Variants in LIMCH1 observed in about 807,000 individuals in gnomAD.
LIMCH1 encodes LIM and calponin homology domains 1.
A neutral mutation model predicts 176.5 loss-of-function variants in LIMCH1; 113 were observed. The ratio of observed to expected loss-of-function variants is 0.64; its 90% CI spans 0.55 to 0.75. LIMCH1 has a LOEUF of 0.75. Among genes scored for constraint, LIMCH1 ranks in the 30% least tolerant of loss-of-function variants. The probability of loss-of-function intolerance (pLI) is 0.00; values close to 1 mark genes in which losing one functional copy is unlikely to be tolerated. For synonymous variants in LIMCH1, 619 were observed against 645.9 expected (o/e 0.96, Z 0.63); for missense variants, 1,674 against 1,814.9 (o/e 0.92, Z 1.41).
intron 2 of LIMCH1, among the ~76,000 whole-genome samples, chr4:41,517,984 A>G (rs2075752999): frequency 6.6e-6 from 1 of 152,158 alleles, no homozygotes; most frequent in Non-Finnish European, 1.5e-5. Context: ...TAATGAGATG[A>G]TGATGTAATC....
intron 1 of LIMCH1, among the ~76,000 whole-genome samples, chr4:41,389,807 C>T (rs968735424): frequency 6.6e-6 from 1 of 152,140 alleles, no homozygotes; most frequent in Non-Finnish European, 1.5e-5. Flanking sequence ...GGTTGGAAAC[C>T]ACTGCTTTTT....
chr4:41,518,895 C>T (rs1001479683), intron 2 of LIMCH1, among the ~76,000 whole-genome samples: 1 of 137,258 alleles, frequency 7.3e-6, no homozygotes, highest in Non-Finnish European at 1.5e-5. Flanking sequence ...CATCCATGTC[C>T]CTGCAAAGGA....
At chr4:41,661,860 G>A in intron 19 of LIMCH1, 3 of 378,926 alleles carry the variant, frequency 7.9e-6, no homozygotes, top group South Asian at 2.2e-5. Context: ...TAAGCGAGAG[G>A]TCAAAAACAT....
chr4:41,543,388 G>A (rs1291808218), intron 1 of LIMCH1, among the ~76,000 whole-genome samples: 1 of 152,172 alleles, frequency 6.6e-6, no homozygotes, highest in East Asian at 1.9e-4. Flanking sequence ...TGTGGAGATA[G>A]TGTTTTTTCC....
chr4:41,625,403 C>A (rs2092880798), intron 7 of LIMCH1, among the ~76,000 whole-genome samples: 1 of 152,198 alleles, frequency 6.6e-6, no homozygotes, highest in South Asian at 2.1e-4. Context: ...CCTGTGAATA[C>A]AATCCTACAT....
chr4:41,597,176 TG>T (rs2089020984), intron 1 of LIMCH1, among the ~76,000 whole-genome samples: 1 of 152,194 alleles, frequency 6.6e-6, no homozygotes, highest in Non-Finnish European at 1.5e-5. Context: ...CCTTTGGTGC[TG>T]GCCTCAGATT....
intron 24 of LIMCH1, among the ~76,000 whole-genome samples, chr4:41,680,476 G>A (rs929250085): frequency 7.2e-5 from 11 of 152,110 alleles, no homozygotes; most frequent in African/African-American, 2.7e-4. Context: ...TGATATTGAG[G>A]CTGAATGACT....
At chr4:41,364,609 GTGAT>G (rs2052686588) in intron 1 of LIMCH1, among the ~76,000 whole-genome samples, 1 of 152,114 alleles carries the variant, frequency 6.6e-6, no homozygotes, top group African/African-American at 2.4e-5. Flanking sequence ...TACTCATAAA[GTGAT>G]CTTGGTAGTC....
chr4:41,635,452 T>C (rs1199059894), intron 13 of LIMCH1, among the ~76,000 whole-genome samples: 2 of 152,156 alleles, frequency 1.3e-5, no homozygotes, highest in Non-Finnish European at 2.9e-5. Flanking sequence ...GGTCTGGAAC[T>C]CCTGACCTCA....
chr4:41,546,813 A>G (rs902709534), intron 1 of LIMCH1, among the ~76,000 whole-genome samples: 1 of 152,072 alleles, frequency 6.6e-6, no homozygotes, highest in Non-Finnish European at 1.5e-5. Context: ...AGAAATGCCA[A>G]GGATTCCACA....
chr4:41,668,799 C>G (rs2094918989), intron 21 of LIMCH1, among the ~76,000 whole-genome samples: 1 of 152,146 alleles, frequency 6.6e-6, no homozygotes, highest in South Asian at 2.1e-4. Context: ...CTGAAGAGGC[C>G]TCACAGTCAT....
intron 1 of LIMCH1, among the ~76,000 whole-genome samples, chr4:41,440,543 C>T (rs1182359246): frequency 7.2e-5 from 11 of 151,916 alleles, no homozygotes. Flanking sequence ...TTATTTATTT[C>T]TTTGTTTGAG....
intron 1 of LIMCH1, among the ~76,000 whole-genome samples, chr4:41,567,895 C>T (rs2082983443): frequency 6.6e-6 from 1 of 152,182 alleles, no homozygotes. Context: ...TGGCTCATGC[C>T]TGTAATCCCA....
intron 31 of LIMCH1, among the ~76,000 whole-genome samples, chr4:41,696,840 A>G (rs1375208177): frequency 2.0e-5 from 3 of 152,206 alleles, no homozygotes; most frequent in African/African-American, 7.2e-5. Context: ...AGGACAAGGT[A>G]GAAAACTTGA....
At chr4:41,546,746 A>G (rs1425278445) in intron 1 of LIMCH1, among the ~76,000 whole-genome samples, 5 of 151,844 alleles carry the variant, frequency 3.3e-5, no homozygotes, top group Admixed American at 1.3e-4. Flanking sequence ...AGCAAAAATT[A>G]CTCTCCTAGG....
chr4:41,661,007 A>C (rs952537330), intron 18 of LIMCH1, among the ~76,000 whole-genome samples: 1 of 152,242 alleles, frequency 6.6e-6, no homozygotes, highest in Admixed American at 6.5e-5. Context: ...GGTAAGGGCC[A>C]CAGGCAACTA....
chr4:41,565,774 T>A (rs2082685287), intron 1 of LIMCH1, among the ~76,000 whole-genome samples: 1 of 152,094 alleles, frequency 6.6e-6, no homozygotes. Flanking sequence ...AGCTTAGGAA[T>A]CTGTTGCTGC....
chr4:41,630,787 A>G (rs1476751601), intron 9 of LIMCH1, among the ~76,000 whole-genome samples: 2 of 152,222 alleles, frequency 1.3e-5, no homozygotes, highest in African/African-American at 2.4e-5. Context: ...GTATTTGCAT[A>G]TAACCTATGC....
At position 41,692,325 on chromosome 4, in the gene LIMCH1, C is replaced by T. The variant is rs1344564922; in HGVS notation, c.4319C>T (p.Thr1440Met). Residue 1440 changes from threonine to methionine, a missense_variant, in exon 31 of 32, where the codon ACG becomes ATG. Thr to Met is a moderately conservative substitution (Grantham distance 81). This residue lies in a region of LIMCH1 where 1,015 missense variants were observed against 1,102.5 expected (regional missense o/e 0.92). Coordinates refer to ENST00000503057, the MANE Select transcript of LIMCH1 (RefSeq NM_001330672.2). ...CAGCTTGGAGATGCAGTGAGTGGGACGGATGTTAGGATTCGAAATGGTCTC... is the reference window on the plus strand; with the variant it reads ...CAGCTTGGAGATGCAGTGAGTGGGATGGATGTTAGGATTCGAAATGGTCTC... ...KGQLGDAVSG[T>M]DVRIRNGLLN... is the part of the protein sequence containing the mutation. The T allele has an allele frequency of 7.4e-6, 12 of 1,613,448 alleles. No individual in the cohort carries two copies. The highest frequency in any genetic ancestry group is 5.0e-5 in the Admixed American group (3 of 59,992).
Sources: allele counts gnomAD v4.1 joint callset (sites outside exome capture counted in the v4.1 genomes callset), GRCh38; gene constraint gnomAD v4.1.1; regional missense constraint gnomAD v4.1.1; transcripts MANE v1.5; gene names NCBI Gene and HGNC (gene_info 2026-07-23, HGNC 2026-07-21).